AK3: variants seen among roughly 807,000 people sequenced by gnomAD.
The protein encoded by AK3 is GTP:AMP phosphotransferase AK3, mitochondrial.
A neutral mutation model predicts 23.7 loss-of-function variants in AK3; 27 were observed. The observed-to-expected ratio is 1.14, with a 90% CI of 0.84 to 1.57. AK3 has a LOEUF of 1.57. AK3 is among the 40% of genes most tolerant of loss of function. The pLI is 0.00. For missense variants in AK3, 406 were observed against 285.6 expected (o/e 1.42, Z -3.04); for synonymous variants, 159 against 116.0 (o/e 1.37, Z -2.38).
intron 1 of AK3, among the ~76,000 whole-genome samples, chr9:4,726,101 T>C (rs1188091808): frequency 6.6e-6 from 1 of 152,228 alleles, no homozygotes; most frequent in Non-Finnish European, 1.5e-5. Flanking sequence ...AAAATAGTTT[T>C]ATTGCTAAAA....
upstream of AK3, chr9:4,741,610 C>T (rs578135126): frequency 6.5e-6 from 1 of 153,350 alleles, no homozygotes; most frequent in Non-Finnish European, 1.5e-5. Flanking sequence ...CGCCCCCTCC[C>T]CACCTCTAGT....
chr9:4,726,105 G>A (rs762904633), intron 1 of AK3, among the ~76,000 whole-genome samples: 8 of 152,098 alleles, frequency 5.3e-5, no homozygotes, highest in Admixed American at 1.3e-4. Flanking sequence ...TAGTTTTATT[G>A]CTAAAAAATG....
chr9:4,718,631 G>A, intron 3 of AK3, 94 bp from the exon 4 acceptor site: 9 of 968,500 alleles, frequency 9.3e-6, no homozygotes, highest in South Asian at 1.5e-5. Flanking sequence ...ACATCTCTGT[G>A]CAAGTGCCAA....
In AK3 at chr9:4,712,758, G is replaced by T; in HGVS notation, c.*218C>A. ...TTCAGACATCGCTGATGTTTTTGAG[G>T]ATAACTGCATACAACACACTAGATG... On this transcript the variant is annotated 3_prime_UTR_variant, in exon 5 of 5. Coordinates refer to ENST00000381809, the MANE Select transcript of AK3 (RefSeq NM_016282.4). 2.6e-6 allele frequency: 1 copy of T among 383,622 alleles called. No homozygotes were observed. Among genetic ancestry groups the T allele is most frequent in the East Asian group, 4.4e-5 (1 of 22,654 alleles). 23.8% of individuals were successfully genotyped at this position (383,622 alleles called of 1,614,324 possible). A position where few individuals can be genotyped will look rare whatever the true frequency, so the allele number is the denominator to read the frequency against.
At chr9:4,732,495 A>C (rs1025624959) in intron 1 of AK3, among the ~76,000 whole-genome samples, 3 of 152,182 alleles carry the variant, frequency 2.0e-5, no homozygotes, top group African/African-American at 7.2e-5. Flanking sequence ...TTTTGATTCA[A>C]AAGTTAACAA....
intron 4 of AK3, among the ~76,000 whole-genome samples, chr9:4,715,587 CAG>C (rs1841705523): frequency 6.6e-6 from 1 of 151,908 alleles, no homozygotes; most frequent in African/African-American, 2.4e-5. Flanking sequence ...TTTGTAGAGA[CAG>C]AGTTTCACCA....
Position 4,712,975 on chromosome 9 carries a change from C to T in AK3, c.*1G>A. On this transcript the variant is annotated 3_prime_UTR_variant, in exon 5 of 5. Transcript: ENST00000381809. ...CTATTAATAGTTACACACATTTCTC[C>T]TCATGGAGTAACTGAAGCTTTCTGG... The T allele has an allele frequency of 6.2e-7, 1 of 1,612,716 alleles. No individual in the cohort carries two copies. Among genetic ancestry groups the T allele is most frequent in the South Asian group, 1.1e-5 (1 of 90,940 alleles).
intron 1 of AK3, among the ~76,000 whole-genome samples, chr9:4,736,822 C>T (rs1229684760): frequency 6.6e-6 from 1 of 152,146 alleles, no homozygotes; most frequent in Non-Finnish European, 1.5e-5. Context: ...AGACTTCAGG[C>T]ACGTGCCACC....
At chr9:4,716,687 T>C (rs1474308574) in intron 4 of AK3, among the ~76,000 whole-genome samples, 1 of 152,158 alleles carries the variant, frequency 6.6e-6, no homozygotes, top group Non-Finnish European at 1.5e-5. Context: ...TCCCAATGTT[T>C]TGGGAGGCCG....
At chr9:4,721,456 C>T (rs1587643776) in intron 2 of AK3, among the ~76,000 whole-genome samples, 1 of 150,844 alleles carries the variant, frequency 6.6e-6, no homozygotes, top group Admixed American at 6.6e-5. Flanking sequence ...TCTCTGTTCA[C>T]ATCAACTTCT....
rs996063471 is a variant in AK3, at chr9:4,711,642, G to C, written c.*1334C>G. On this transcript the variant is annotated 3_prime_UTR_variant, in exon 5 of 5. Coordinates refer to ENST00000381809, the MANE Select transcript of AK3 (RefSeq NM_016282.4). ...CGGCTTGTTTCATTTGATTTGGCAC[G>C]AAGTAAAGTAAGAGTAAATATGCCA... 1 of 152,172 alleles carries C rather than the reference G, an allele frequency of 6.6e-6. No individual in the cohort carries two copies. Among genetic ancestry groups the C allele is most frequent in the African/African-American group, 2.4e-5 (1 of 41,416 alleles). The allele number at this position is 152,172 out of a possible 1,614,324, so 9.4% of individuals were successfully genotyped here.
At position 4,712,514 on chromosome 9, in the gene AK3, T is replaced by C. The variant is rs1190938364; in HGVS notation, c.*462A>G. Reference sequence around the variant, plus strand: ...ATCCAGTTGCTTTCTTTCTGGAATTTTATATAGTGTCTCACCATGTTCCAC... The same window carrying C: ...ATCCAGTTGCTTTCTTTCTGGAATTCTATATAGTGTCTCACCATGTTCCAC... On this transcript the variant is annotated 3_prime_UTR_variant, in exon 5 of 5. Transcript: ENST00000381809. The C allele has an allele frequency of 6.6e-6, 1 of 152,414 alleles. No homozygotes were observed. Among genetic ancestry groups the C allele is most frequent in the African/African-American group, 2.4e-5 (1 of 41,470 alleles). The allele number at this position is 152,414 out of a possible 1,614,324, so 9.4% of individuals were successfully genotyped here.
intron 1 of AK3, among the ~76,000 whole-genome samples, chr9:4,740,130 GGTTTCAAAATGA>G (rs1256817248): frequency 1.3e-5 from 2 of 151,224 alleles, no homozygotes; most frequent in African/African-American, 2.4e-5. Context: ...TATGTAAATG[GGTTTCAAAATGA>G]GTTTCAAAAC....
intron 1 of AK3, among the ~76,000 whole-genome samples, chr9:4,724,132 G>A (rs1010730413): frequency 1.2e-4 from 18 of 152,138 alleles, no homozygotes; most frequent in Non-Finnish European, 2.6e-4. Context: ...CTTAGAAGAG[G>A]GCTTGGCAGA....
At chr9:4,715,413 G>C (rs1461342710) in intron 4 of AK3, among the ~76,000 whole-genome samples, 1 of 82,860 alleles carries the variant, frequency 1.2e-5, no homozygotes, top group African/African-American at 6.6e-5. Context: ...TTTTTTTTAA[G>C]ACAGGGTCTC....
chr9:4,715,777 A>T (rs1841710126), intron 4 of AK3, among the ~76,000 whole-genome samples: 1 of 152,110 alleles, frequency 6.6e-6, no homozygotes, highest in Non-Finnish European at 1.5e-5. Context: ...TATCATTCAT[A>T]GCCTTGCAGT....
chr9:4,724,823 A>G (rs920292036), intron 1 of AK3, among the ~76,000 whole-genome samples: 5 of 151,996 alleles, frequency 3.3e-5, no homozygotes, highest in Admixed American at 3.3e-4. Context: ...TCCAGAAATA[A>G]CCTTTCAAAT....
chr9:4,732,751 T>G (rs1354798899), intron 1 of AK3, among the ~76,000 whole-genome samples: 7 of 152,158 alleles, frequency 4.6e-5, no homozygotes. Flanking sequence ...AAGTTTCATG[T>G]TACCCAAATC....
Position 4,741,063 on chromosome 9 carries a change from G to A in AK3, c.25C>T (p.Arg9Ter), listed in dbSNP as rs762634528. ...CCCGGGGCCCCCATGATCACCGCTC[G>A]CAGCAGCCGCGCGGACGCCCCCATG... is the stretch of plus-strand genomic sequence containing the variant. MGASARLL[R>*]AVIMGAPGSG... The change falls in exon 1 of 5, where the codon CGA (arginine) becomes TGA (stop). Residue 9 changes from arginine to a stop codon, truncating the protein, a stop_gained. Coordinates refer to ENST00000381809, the MANE Select transcript of AK3 (RefSeq NM_016282.4). LOFTEE classifies it high-confidence loss of function. 1 of 1,555,580 alleles carries A rather than the reference G, an allele frequency of 6.4e-7. No homozygotes were observed. Among genetic ancestry groups the A allele is most frequent in the Admixed American group, 2.0e-5 (1 of 51,256 alleles).
Sources: gnomAD v4.1 joint callset for allele counts (sites outside exome capture counted in the v4.1 genomes callset) on GRCh38, gnomAD v4.1.1 for gene constraint, MANE v1.5 for transcripts, NCBI Gene and HGNC (gene_info 2026-07-23, HGNC 2026-07-21) for gene names.